The following NUP62CL variants were observed in gnomAD, a reference collection of about 807,000 sequenced individuals.
NUP62CL encodes nucleoporin-62 C-terminal-like protein.
In NUP62CL, 13 loss-of-function variants were observed where a neutral mutation model predicts 15.3. The ratio of observed to expected loss-of-function variants is 0.85; its 90% CI spans 0.55 to 1.35. The LOEUF (loss-of-function observed/expected upper bound fraction) is 1.35, where lower values mean the gene tolerates loss of function less well. NUP62CL is among the 40% of genes most tolerant of loss of function. The probability of loss-of-function intolerance (pLI) is 0.00; values close to 1 mark genes in which losing one functional copy is unlikely to be tolerated. For missense variants in NUP62CL, 123 were observed against 130.6 expected (o/e 0.94, Z 0.28); for synonymous variants, 54 against 49.2 (o/e 1.10, Z -0.41).
intron 2 of NUP62CL, among the ~76,000 whole-genome samples, chrX:107,180,362 G>A (rs1166436734): frequency 1.8e-5 from 2 of 111,740 alleles, no homozygotes; most frequent in Non-Finnish European, 3.8e-5. Context: ...TTGCATCACT[G>A]TTTGTATTAG....
chrX:107,170,155 A>G (rs1363082920), intron 3 of NUP62CL, among the ~76,000 whole-genome samples: 1 of 108,624 alleles, frequency 9.2e-6, no homozygotes, highest in Non-Finnish European at 1.9e-5. Context: ...TAAAAGAAAA[A>G]GAAAAAAAAA....
At chrX:107,201,377 T>C (rs954006392) in intron 1 of NUP62CL, among the ~76,000 whole-genome samples, 2 of 110,848 alleles carry the variant, frequency 1.8e-5, no homozygotes, top group East Asian at 5.6e-4. Context: ...CTCCAGCCCC[T>C]GGTAAACTCT....
chrX:107,128,069 G>C (rs1178068985), intron 8 of NUP62CL, among the ~76,000 whole-genome samples: 1 of 111,725 alleles, frequency 9.0e-6, no homozygotes, highest in Non-Finnish European at 1.9e-5. Flanking sequence ...CTACCTGGAA[G>C]GATATATACC....
chrX:107,151,217 T>C (rs1200186848), intron 7 of NUP62CL, among the ~76,000 whole-genome samples: 1 of 111,311 alleles, frequency 9.0e-6, no homozygotes, highest in Admixed American at 9.6e-5. Context: ...CACCTATTTA[T>C]CCTCTAGGTG....
chrX:107,199,092 TCA>T (rs1268147121), intron 1 of NUP62CL, among the ~76,000 whole-genome samples: 1 of 111,650 alleles, frequency 9.0e-6, no homozygotes, highest in Non-Finnish European at 1.9e-5. Context: ...CACCACTTTA[TCA>T]CTCAAGTTCT....
chrX:107,148,377 CTA>C (rs1925930481), intron 7 of NUP62CL, among the ~76,000 whole-genome samples: 1 of 111,273 alleles, frequency 9.0e-6, no homozygotes, highest in Non-Finnish European at 1.9e-5. Context: ...GATTACTGGA[CTA>C]TTTTATATTG....
chrX:107,171,607 G>A (rs1198712472), intron 3 of NUP62CL, among the ~76,000 whole-genome samples: 1 of 111,510 alleles, frequency 9.0e-6, no homozygotes, highest in African/African-American at 3.3e-5. Context: ...AGAACAATAT[G>A]AGAAAGACCT....
chrX:107,189,567 A>G (rs1367172167), intron 2 of NUP62CL, among the ~76,000 whole-genome samples: 1 of 108,690 alleles, frequency 9.2e-6, no homozygotes, highest in African/African-American at 3.4e-5. Context: ...CTTAAGCTCA[A>G]GAGTTTGAGA....
intron 2 of NUP62CL, among the ~76,000 whole-genome samples, chrX:107,183,669 A>T (rs1315147608): frequency 9.0e-6 from 1 of 110,850 alleles, no homozygotes; most frequent in East Asian, 2.8e-4. Context: ...CTAACAAAAA[A>T]GTCTGCTTTT....
intron 2 of NUP62CL, among the ~76,000 whole-genome samples, chrX:107,190,027 C>G (rs1039924794): frequency 1.8e-5 from 2 of 111,165 alleles, no homozygotes; most frequent in Non-Finnish European, 3.8e-5. Flanking sequence ...AGATTATATA[C>G]TATATGGTCC....
rs769895033 is a variant in NUP62CL at position 107,135,009 on chromosome X, G to A, written c.*43-10677C>T. On this transcript the variant is annotated intron_variant, in intron 8 of 8. Transcript: ENST00000372466. ...TCATGCCTCGGCCTCCCAAGTAGCT[G>A]GGATTATAGGCATGTGCCACCATGC... 4.5e-5 allele frequency among the ~76,000 whole-genome samples: 5 copies of A among 111,808 alleles called. No individual in the cohort carries two copies. In the East Asian group the frequency reaches 1.4e-3, roughly 31 times the overall value.
chrX:107,174,465 T>C (rs758549723), intron 3 of NUP62CL, among the ~76,000 whole-genome samples: 12 of 111,262 alleles, frequency 1.1e-4, no homozygotes, highest in African/African-American at 3.9e-4. Flanking sequence ...AATTCAATAT[T>C]GTCAACATTT....
chrX:107,198,072 C>A (rs1020199849), intron 1 of NUP62CL, among the ~76,000 whole-genome samples: 1 of 111,616 alleles, frequency 9.0e-6, no homozygotes, highest in African/African-American at 3.3e-5. Flanking sequence ...AGGTGGGGAC[C>A]TGGAGAACTT....
At chrX:107,194,359 T>C (rs1317835159) in intron 1 of NUP62CL, among the ~76,000 whole-genome samples, 11 of 111,546 alleles carry the variant, frequency 9.9e-5, no homozygotes, top group Non-Finnish European at 7.5e-5. Flanking sequence ...AAAACAAATT[T>C]ACCTAATAAG....
At chrX:107,133,019 C>T (rs1183128240) in intron 8 of NUP62CL, among the ~76,000 whole-genome samples, 1 of 111,359 alleles carries the variant, frequency 9.0e-6, no homozygotes, top group African/African-American at 3.3e-5. Flanking sequence ...GGGGCAAATC[C>T]ATTTCCTTGT....
chrX:107,174,949 C>A, intron 3 of NUP62CL, 140 bp downstream of exon 3: 1 of 520,974 alleles, frequency 1.9e-6, no homozygotes, highest in African/African-American at 2.4e-5. Flanking sequence ...TTAAGCAAAG[C>A]TACTATTGAT....
intron 3 of NUP62CL, among the ~76,000 whole-genome samples, chrX:107,168,139 C>T (rs1926558915): frequency 8.9e-6 from 1 of 111,733 alleles, no homozygotes; most frequent in Non-Finnish European, 1.9e-5. Flanking sequence ...AGAATAATTG[C>T]AATTTACAAA....
intron 7 of NUP62CL, chrX:107,150,801 A>G (rs1288143874): frequency 3.0e-6 from 1 of 331,147 alleles, no homozygotes; most frequent in African/African-American, 2.7e-5. Flanking sequence ...ACCTGGCTGT[A>G]TGCTAATTTC....
rs758076646 is a variant in NUP62CL at position 107,167,762 on chromosome X, G to A, written c.81C>T (p.Thr27=). The A allele has an allele frequency of 7.6e-6, 9 of 1,189,514 alleles. No homozygotes were observed. Among genetic ancestry groups the A allele is most frequent in the African/African-American group, 3.5e-5 (2 of 56,761 alleles). ...TAGTAGTGTTGGTGGTGAAAGTGGCGGTGGTAGTCGTTGAAGTTGTAACTG... is the reference window on the plus strand; with the variant it reads ...TAGTAGTGTTGGTGGTGAAAGTGGCAGTGGTAGTCGTTGAAGTTGTAACTG... ...GLSFTTSTTT[T]ATFTTNTTTT... is the part of the protein sequence containing the mutation. Residue 27 remains threonine, a synonymous_variant, in exon 4 of 9, where the codon ACC becomes ACT. Coordinates refer to ENST00000372466, the MANE Select transcript of NUP62CL (RefSeq NM_017681.3).
Sources: gnomAD v4.1 joint callset for allele counts (sites outside exome capture counted in the v4.1 genomes callset) on GRCh38, gnomAD v4.1.1 for gene constraint, MANE v1.5 for transcripts, NCBI Gene and HGNC (gene_info 2026-07-23, HGNC 2026-07-21) for gene names.